CADM2: variants seen among roughly 807,000 people sequenced by gnomAD.
CADM2 encodes immunoglobulin superfamily member 4D.
CADM2 carries 12 observed loss-of-function variants against 49.8 expected under a neutral mutation model. The ratio of observed to expected loss-of-function variants is 0.24; its 90% CI spans 0.15 to 0.39. The LOEUF (loss-of-function observed/expected upper bound fraction) is 0.39, where lower values mean the gene tolerates loss of function less well. CADM2 is among the 10% of genes least tolerant of loss of function. The pLI, the probability that CADM2 is intolerant of heterozygous loss-of-function variation, is 1.00. For synonymous variants in CADM2, 214 were observed against 175.4 expected, an observed-to-expected ratio of 1.22 and a Z score of -1.74; for missense variants, 378 against 492.3, an observed-to-expected ratio of 0.77 and a Z score of 2.20.
intron 1 of CADM2, among the ~76,000 whole-genome samples, chr3:85,456,848 G>C (rs190973409): frequency 3.6e-5 from 5 of 140,222 alleles, no homozygotes; most frequent in African/African-American, 1.4e-4. Flanking sequence ...TTTTTTTTTC[G>C]AAATACTCCC....
intron 6 of CADM2, among the ~76,000 whole-genome samples, chr3:85,915,665 T>C (rs978142980): frequency 1.4e-4 from 22 of 152,082 alleles, no homozygotes; most frequent in Admixed American, 1.3e-3. Flanking sequence ...TTTCCATGAA[T>C]GAGAAGGAGG....
chr3:85,768,693 A>G (rs2069809994), intron 2 of CADM2, among the ~76,000 whole-genome samples: 2 of 146,580 alleles, frequency 1.4e-5, no homozygotes, highest in African/African-American at 5.0e-5. Context: ...ACACATATAT[A>G]GTATAAATAT....
chr3:85,693,566 C>CAAAAAAAA (rs562723713), intron 1 of CADM2, among the ~76,000 whole-genome samples: 17 of 76,084 alleles, frequency 2.2e-4, no homozygotes, highest in African/African-American at 2.7e-4. Context: ...GGCGAAAGAG[C>CAAAAAAAA]AAAAAAAAAA....
chr3:85,254,499 CG>C (rs1225674322), intron 1 of CADM2, among the ~76,000 whole-genome samples: 5 of 152,022 alleles, frequency 3.3e-5, no homozygotes, highest in African/African-American at 4.8e-5. Context: ...TGGTCATTCC[CG>C]TGACCTGCTC....
intron 1 of CADM2, among the ~76,000 whole-genome samples, chr3:85,262,239 T>G (rs769990374): frequency 3.9e-5 from 6 of 152,130 alleles, no homozygotes; most frequent in Non-Finnish European, 8.8e-5. Flanking sequence ...ATTAGGCATT[T>G]TAACCCAATT....
intron 2 of CADM2, among the ~76,000 whole-genome samples, chr3:85,767,969 G>A (rs1357612745): frequency 2.0e-5 from 3 of 152,056 alleles, no homozygotes; most frequent in African/African-American, 7.2e-5. Flanking sequence ...AACAAAGATA[G>A]TAAATTATCA....
intron 1 of CADM2, among the ~76,000 whole-genome samples, chr3:85,711,696 A>G (rs1396136396): frequency 2.0e-5 from 3 of 152,196 alleles, no homozygotes; most frequent in Non-Finnish European, 2.9e-5. Context: ...CATTTTAAAT[A>G]TGGCTATTAT....
At chr3:85,026,522 T>C (rs1048041198) in intron 1 of CADM2, among the ~76,000 whole-genome samples, 6 of 152,218 alleles carry the variant, frequency 3.9e-5, no homozygotes, top group African/African-American at 1.2e-4. Flanking sequence ...TTAATCCTCC[T>C]TGTAGTTTTA....
intron 1 of CADM2, among the ~76,000 whole-genome samples, chr3:85,173,611 A>C (rs903064549): frequency 3.3e-5 from 5 of 152,168 alleles, no homozygotes; most frequent in Admixed American, 2.6e-4. Context: ...GGCTGCCCAC[A>C]AATATAAAGA....
chr3:85,498,743 C>T (rs1304324431), intron 1 of CADM2, among the ~76,000 whole-genome samples: 3 of 151,952 alleles, frequency 2.0e-5, no homozygotes, highest in African/African-American at 2.4e-5. Context: ...GAGAGAAATA[C>T]CGTGACCCGA....
rs371776085 is a variant in CADM2 at position 85,001,361 on chromosome 3, TTCTATCTATCCA to T, written c.61+41700_61+41711del. 5.1e-3 allele frequency among the ~76,000 whole-genome samples: 771 copies of T among 152,240 alleles called. 6 individuals are homozygous for T. The highest frequency in any genetic ancestry group is 0.024 in the Middle Eastern group (7 of 294). On this transcript the variant is annotated intron_variant, in intron 1 of 9. Transcript: ENST00000383699. ...GATCTATTTTATCTGTCCATTATCTTTCTATCTATCCATCTATCCATCCGTCTATCTATCTAC... is the reference window on the plus strand; with the variant it reads ...GATCTATTTTATCTGTCCATTATCTTTCTATCCATCCGTCTATCTATCTAC...
chr3:85,000,062 A>G (rs1012611803), intron 1 of CADM2, among the ~76,000 whole-genome samples: 3 of 151,840 alleles, frequency 2.0e-5, no homozygotes, highest in African/African-American at 7.3e-5. Flanking sequence ...CAAATTTCAC[A>G]GGCATATTAC....
chr3:86,033,275 A>C (rs1049574931), intron 8 of CADM2, among the ~76,000 whole-genome samples: 1 of 152,018 alleles, frequency 6.6e-6, no homozygotes, highest in African/African-American at 2.4e-5. Context: ...AAACTTTTCT[A>C]ATAATGTAGA....
chr3:85,398,353 G>C (rs1049776075), intron 1 of CADM2, among the ~76,000 whole-genome samples: 2 of 151,904 alleles, frequency 1.3e-5, no homozygotes, highest in African/African-American at 2.4e-5. Flanking sequence ...TTTTATGGCT[G>C]CATAGTTTTC....
At chr3:85,959,533 C>A (rs1559767383) in intron 7 of CADM2, among the ~76,000 whole-genome samples, 1 of 151,804 alleles carries the variant, frequency 6.6e-6, no homozygotes, top group East Asian at 2.0e-4. Flanking sequence ...CATCTCAGAG[C>A]AAAAGATTCT....
chr3:85,978,993 G>A (rs1256973863), intron 8 of CADM2, among the ~76,000 whole-genome samples: 1 of 151,492 alleles, frequency 6.6e-6, no homozygotes, highest in Non-Finnish European at 1.5e-5. Flanking sequence ...GCATGAAAAA[G>A]AAGTGAAAAA....
At chr3:85,828,090 T>C (rs2074006994) in intron 3 of CADM2, 1 of 151,988 alleles carries the variant, frequency 6.6e-6, no homozygotes, top group Admixed American at 6.6e-5. Flanking sequence ...GGTGGGCAGG[T>C]ACCACTTACC....
At chr3:85,894,347 G>A (rs1321573922) in intron 5 of CADM2, among the ~76,000 whole-genome samples, 4 of 152,130 alleles carry the variant, frequency 2.6e-5, no homozygotes, top group Non-Finnish European at 5.9e-5. Flanking sequence ...GAACTGTTGT[G>A]GGGTAGGGGA....
At chr3:85,069,738 G>A (rs2036653848) in intron 1 of CADM2, among the ~76,000 whole-genome samples, 1 of 152,050 alleles carries the variant, frequency 6.6e-6, no homozygotes, top group Non-Finnish European at 1.5e-5. Flanking sequence ...TGTAAAGACT[G>A]GGAGTAAAAA....
Sources: allele counts gnomAD v4.1 joint callset (sites outside exome capture counted in the v4.1 genomes callset), GRCh38; gene constraint gnomAD v4.1.1; transcripts MANE v1.5; gene names NCBI Gene and HGNC (gene_info 2026-07-23, HGNC 2026-07-21).